SPECC1L: variants seen among roughly 807,000 people sequenced by gnomAD.
SPECC1L encodes the protein cytospin-A.
A neutral mutation model predicts 116.8 loss-of-function variants in SPECC1L; 40 were observed. That is an observed-to-expected ratio of 0.34 (90% CI 0.27 to 0.45). SPECC1L has a LOEUF of 0.45. Ranked by LOEUF, SPECC1L falls within the 20% of genes least tolerant of loss-of-function variation. The pLI, the probability that SPECC1L is intolerant of heterozygous loss-of-function variation, is 1.00. For missense variants in SPECC1L, 1,110 were observed against 1,373.6 expected, an observed-to-expected ratio of 0.81 and a Z score of 3.03; for synonymous variants, 504 against 500.6, an observed-to-expected ratio of 1.01 and a Z score of -0.09.
chr22:24,272,385 T>A lies in SPECC1L; in HGVS notation c.-142+1402T>A, dbSNP rs879707722. Among the ~76,000 whole-genome samples the A allele has an allele frequency of 4.3e-4, 63 of 146,542 alleles. No individual in the cohort carries two copies. The East Asian group carries it at 0.012, about 28-fold the overall frequency. On this transcript the variant is annotated intron_variant, in intron 1 of 16. Coordinates refer to ENST00000314328, the MANE Select transcript of SPECC1L (RefSeq NM_015330.6). ...GTCTCAAAAAAACAAAAACCAGATA[T>A]AACAAGGCCGAGCTCCCTGGCTCAC...
chr22:24,280,860 T>A (rs2048929358), intron 2 of SPECC1L, among the ~76,000 whole-genome samples: 1 of 152,230 alleles, frequency 6.6e-6, no homozygotes, highest in African/African-American at 2.4e-5. Context: ...GTGTTGGGAT[T>A]ACAGGCATGA....
intron 14 of SPECC1L, among the ~76,000 whole-genome samples, chr22:24,402,058 C>T (rs978778633): frequency 4.0e-5 from 6 of 151,812 alleles, no homozygotes; most frequent in African/African-American, 1.2e-4. Flanking sequence ...CACCTGGGCT[C>T]CATGATGAGC....
At chr22:24,383,073 A>G (rs1267115153) in intron 14 of SPECC1L, among the ~76,000 whole-genome samples, 1 of 152,210 alleles carries the variant, frequency 6.6e-6, no homozygotes, top group Non-Finnish European at 1.5e-5. Flanking sequence ...AGGCCAGCCA[A>G]ATGGGAATGA....
chr22:24,398,349 A>G (rs2042406458), intron 14 of SPECC1L, among the ~76,000 whole-genome samples: 1 of 152,338 alleles, frequency 6.6e-6, no homozygotes, highest in Middle Eastern at 3.4e-3. Context: ...TGAGACTCAT[A>G]CAAGTTAAAA....
At chr22:24,393,264 T>C (rs2042305089) in intron 14 of SPECC1L, among the ~76,000 whole-genome samples, 1 of 152,214 alleles carries the variant, frequency 6.6e-6, no homozygotes, top group African/African-American at 2.4e-5. Context: ...GACAGTGACC[T>C]GACAGAACCT....
intron 2 of SPECC1L, among the ~76,000 whole-genome samples, chr22:24,297,981 T>C (rs1463091139): frequency 1.3e-5 from 2 of 152,212 alleles, no homozygotes. Flanking sequence ...GTTGTTAATC[T>C]CCTACTGTGC....
rs2042766007 is a variant in SPECC1L at position 24,414,538 on chromosome 22, T to C, written c.3269T>C (p.Ile1090Thr). Residue 1090 changes from isoleucine to threonine, a missense_variant, in exon 17 of 17, where the codon ATT becomes ACT. This residue lies in a region of SPECC1L where 76 missense variants were observed against 148.5 expected (regional missense o/e 0.51). Coordinates refer to ENST00000314328, the MANE Select transcript of SPECC1L (RefSeq NM_015330.6). ...AGCGTCTTCCTTGTCTGTCAGGACA[T>C]TAATGAAATGGTACGGACTGAACGA... The part of the protein sequence containing the change: ...ESVGIKSTLD[I>T]NEMVRTERPD... The C allele has an allele frequency of 6.2e-7, 1 of 1,613,760 alleles. No individual in the cohort carries two copies. Among genetic ancestry groups the C allele is most frequent in the Non-Finnish European group, 8.5e-7 (1 of 1,179,908 alleles).
intron 11 of SPECC1L, among the ~76,000 whole-genome samples, chr22:24,360,917 A>G (rs1000779475): frequency 5.9e-5 from 9 of 152,180 alleles, no homozygotes; most frequent in African/African-American, 2.2e-4. Flanking sequence ...CCAACTGCCA[A>G]CAGAGTTCAG....
At position 24,322,161 on chromosome 22, in the gene SPECC1L, C is replaced by T. The variant is rs1446994273; in HGVS notation, c.1181C>T (p.Ala394Val). The T allele has an allele frequency of 1.2e-6, 2 of 1,613,784 alleles. No homozygotes were observed. Among genetic ancestry groups the T allele is most frequent in the Non-Finnish European group, 8.5e-7 (1 of 1,180,050 alleles). The change falls in exon 5 of 17, where the codon GCT becomes GTT. Residue 394 changes from alanine to valine, a missense_variant. Ala to Val is a moderately conservative substitution (Grantham distance 64). Coordinates refer to ENST00000314328, the MANE Select transcript of SPECC1L (RefSeq NM_015330.6). ...GGGAATGCCAGTGAAGTGTCCGTGG[C>T]TTGCCTGACTGAACGGATACACCAG... is the stretch of plus-strand genomic sequence containing the variant. ...SSGNASEVSV[A>V]CLTERIHQME...
In SPECC1L at chr22:24,285,704, C is replaced by T. The variant is rs562549362; in HGVS notation, c.-38+8901C>T. 8.6e-5 allele frequency among the ~76,000 whole-genome samples: 13 copies of T among 151,710 alleles called. No homozygotes were observed. In the South Asian group the frequency reaches 2.3e-3, roughly 27 times the overall value. On this transcript the variant is annotated intron_variant, in intron 2 of 16. Coordinates refer to ENST00000314328, the MANE Select transcript of SPECC1L (RefSeq NM_015330.6). ...TGTCGCCCAGGCTGGAGTGCAGTGT[C>T]GCGGTCTCAGCTCACTGCGACCTCC...
chr22:24,413,496 C>A (rs980108254), intron 16 of SPECC1L, among the ~76,000 whole-genome samples: 2 of 152,170 alleles, frequency 1.3e-5, no homozygotes, highest in Non-Finnish European at 2.9e-5. Context: ...TCCCCATCCC[C>A]GTGCCCCCAG....
intron 2 of SPECC1L, among the ~76,000 whole-genome samples, chr22:24,297,958 A>T (rs890837988): frequency 6.6e-6 from 1 of 152,084 alleles, no homozygotes; most frequent in Non-Finnish European, 1.5e-5. Context: ...TGCTTACTTT[A>T]TTATTAGTTA....
At chr22:24,311,134 T>A (rs2040453208) in intron 3 of SPECC1L, among the ~76,000 whole-genome samples, 2 of 152,218 alleles carry the variant, frequency 1.3e-5, no homozygotes, top group African/African-American at 4.8e-5. Flanking sequence ...ACTGTCTTAA[T>A]CATTATAAGT....
At chr22:24,354,720 G>A (rs567785906) in intron 11 of SPECC1L, among the ~76,000 whole-genome samples, 12 of 150,860 alleles carry the variant, frequency 8.0e-5, no homozygotes, top group Non-Finnish European at 1.0e-4. Flanking sequence ...GGAGTGCAAC[G>A]GTGTGATCTC....
chr22:24,278,583 A>G (rs1265141830), intron 2 of SPECC1L, among the ~76,000 whole-genome samples: 2 of 152,204 alleles, frequency 1.3e-5, no homozygotes, highest in Non-Finnish European at 2.9e-5. Flanking sequence ...TTAAAGAAAA[A>G]CACACAAAAA....
At chr22:24,273,986 G>A (rs566945972) in intron 1 of SPECC1L, among the ~76,000 whole-genome samples, 1 of 152,272 alleles carries the variant, frequency 6.6e-6, no homozygotes, top group South Asian at 2.1e-4. Flanking sequence ...TGGAACTCCC[G>A]ACCTCAGGTG....
At chr22:24,404,740 T>C (rs1426199089) in intron 14 of SPECC1L, among the ~76,000 whole-genome samples, 3 of 152,140 alleles carry the variant, frequency 2.0e-5, no homozygotes, top group South Asian at 2.1e-4. Context: ...CCCTGGCCCA[T>C]GTCAAGTCCG....
intron 4 of SPECC1L, among the ~76,000 whole-genome samples, chr22:24,315,725 C>T (rs952039692): frequency 1.3e-5 from 2 of 152,164 alleles, no homozygotes; most frequent in African/African-American, 4.8e-5. Flanking sequence ...TTTTATTTTG[C>T]TGGGGATGTC....
At chr22:24,398,862 C>T (rs563252851) in intron 14 of SPECC1L, among the ~76,000 whole-genome samples, 30 of 152,334 alleles carry the variant, frequency 2.0e-4, no homozygotes, top group African/African-American at 7.0e-4. Context: ...TCCTCCCTCA[C>T]CCAGTCCCTT....
Sources: allele counts gnomAD v4.1 joint callset (sites outside exome capture counted in the v4.1 genomes callset), GRCh38; gene constraint gnomAD v4.1.1; regional missense constraint gnomAD v4.1.1; transcripts MANE v1.5; gene names NCBI Gene and HGNC (gene_info 2026-07-23, HGNC 2026-07-21).